The following CNTLN variants were observed in gnomAD, a reference collection of about 807,000 sequenced individuals.
CNTLN encodes centlein, centrosomal protein.
A neutral mutation model predicts 180.0 loss-of-function variants in CNTLN; 212 were observed. That is an observed-to-expected ratio of 1.18 (90% confidence interval 1.05 to 1.32). The LOEUF is 1.32. Ranked by LOEUF, CNTLN falls within the 40% of genes most tolerant of loss-of-function variation. The probability of loss-of-function intolerance (pLI) is 0.00; values close to 1 mark genes in which losing one functional copy is unlikely to be tolerated. For synonymous variants in CNTLN, 722 were observed against 563.1 expected (o/e 1.28, Z -3.99); for missense variants, 2,095 against 1,610.9 (o/e 1.30, Z -5.14).
At position 17,376,375 on chromosome 9, in the gene CNTLN, CACA is replaced by C. The variant is rs754096204; in HGVS notation, c.1987+9662_1987+9664del. ...GAAGAAAGCAAAGAAAAAACTAGTT[CACA>C]ACATGTTAGAGATAAAAATTTTTAA... On this transcript the variant is annotated intron_variant, in intron 13 of 25. Coordinates refer to ENST00000380647, the MANE Select transcript of CNTLN (RefSeq NM_017738.4). Among the ~76,000 whole-genome samples the C allele has an allele frequency of 8.0e-4, 122 of 152,072 alleles. 4 individuals carry two copies. The highest frequency in any genetic ancestry group is 5.0e-4 in the Non-Finnish European group (34 of 67,978).
At chr9:17,433,387 C>T (rs1027207397) in intron 18 of CNTLN, among the ~76,000 whole-genome samples, 4 of 151,516 alleles carry the variant, frequency 2.6e-5, no homozygotes, top group African/African-American at 7.3e-5. Context: ...TGGGTTCAAG[C>T]GATTCTCCTG....
At chr9:17,213,514 G>A (rs1355959485) in intron 2 of CNTLN, among the ~76,000 whole-genome samples, 1 of 152,220 alleles carries the variant, frequency 6.6e-6, no homozygotes, top group Non-Finnish European at 1.5e-5. Context: ...ATGTGGTGCT[G>A]AGAAGCATGT....
At chr9:17,352,499 T>C (rs797001813) in intron 12 of CNTLN, among the ~76,000 whole-genome samples, 8 of 150,496 alleles carry the variant, frequency 5.3e-5, no homozygotes, top group Non-Finnish European at 1.0e-4. Flanking sequence ...TAGCAAAAAA[T>C]GTCTGCCAAT....
intron 6 of CNTLN, among the ~76,000 whole-genome samples, chr9:17,282,869 G>A (rs1258826839): frequency 1.3e-5 from 2 of 152,022 alleles, no homozygotes; most frequent in Non-Finnish European, 2.9e-5. Flanking sequence ...GCTTGTTTTT[G>A]TCAGGTTTGT....
chr9:17,332,724 A>T lies in CNTLN; in HGVS notation c.1638A>T (p.Gln546His). 6.3e-7 allele frequency: 1 copy of T among 1,587,920 alleles called. No homozygotes were observed. Among genetic ancestry groups the T allele is most frequent in the African/African-American group, 1.4e-5 (1 of 73,302 alleles). Residue 546 changes from glutamine (Q) to histidine (H), a missense_variant, in exon 10 of 26, where the codon CAA (glutamine) becomes CAT (histidine). Gln to His is a conservative substitution (Grantham distance 24, BLOSUM62 0). Coordinates refer to ENST00000380647, the MANE Select transcript of CNTLN (RefSeq NM_017738.4). ...TTGAAAACTTAGAGAAGGCACTACA[A>T]CTAAAGGTGAACATTAAATCATTTC... ...RKIENLEKAL[Q>H]LKSQENDELR...
Position 17,488,734 on chromosome 9 carries a change from C to G in CNTLN, c.4119+1668C>G, listed in dbSNP as rs1428206358. Among the ~76,000 whole-genome samples the G allele has an allele frequency of 2.6e-5, 4 of 152,002 alleles. No individual in the cohort carries two copies. In the East Asian group the frequency reaches 7.7e-4, roughly 29 times the overall value. On this transcript the variant is annotated intron_variant, in intron 25 of 25. Transcript: ENST00000380647. Reference sequence around the variant, plus strand: ...GGCATCAGACTGCTTAATACTGCAGCTTGATATAGTGCCTTTTTGTGCCAC... The same window carrying G: ...GGCATCAGACTGCTTAATACTGCAGGTTGATATAGTGCCTTTTTGTGCCAC...
chr9:17,456,659 A>T (rs1420163240), intron 18 of CNTLN, among the ~76,000 whole-genome samples: 1 of 152,052 alleles, frequency 6.6e-6, no homozygotes, highest in African/African-American at 2.4e-5. Flanking sequence ...CCTCTGAGAG[A>T]TTTCAGTATC....
chr9:17,517,281 A>G, the CNTLN span, among the ~76,000 whole-genome samples: 3 of 151,886 alleles, frequency 2.0e-5, no homozygotes, highest in African/African-American at 4.8e-5. Flanking sequence ...AGTCCCAACT[A>G]CTGGTGAGGC....
chr9:17,386,087 G>T (rs1825663036), intron 13 of CNTLN, among the ~76,000 whole-genome samples: 2 of 151,720 alleles, frequency 1.3e-5, no homozygotes, highest in Admixed American at 1.3e-4. Context: ...TGACCTTTAA[G>T]AAACTTTTTG....
intron 23 of CNTLN, among the ~76,000 whole-genome samples, chr9:17,480,185 C>A (rs983113450): frequency 2.0e-5 from 3 of 151,864 alleles, no homozygotes; most frequent in African/African-American, 7.3e-5. Flanking sequence ...AGCAAGACCC[C>A]ATCTCTAAAA....
intron 13 of CNTLN, among the ~76,000 whole-genome samples, chr9:17,386,241 G>A (rs1460997871): frequency 6.6e-6 from 1 of 150,974 alleles, no homozygotes; most frequent in African/African-American, 2.4e-5. Flanking sequence ...TAAGCCAAGA[G>A]GATTAAAAGA....
intron 18 of CNTLN, among the ~76,000 whole-genome samples, chr9:17,437,187 T>C (rs916598476): frequency 2.0e-5 from 3 of 152,234 alleles, no homozygotes; most frequent in Admixed American, 6.5e-5. Context: ...GTGACTGTCT[T>C]ATTCCTATGT....
chr9:17,238,963 A>C (rs1825321774), intron 5 of CNTLN, among the ~76,000 whole-genome samples: 1 of 152,206 alleles, frequency 6.6e-6, no homozygotes, highest in Admixed American at 6.5e-5. Context: ...CGATGTTCAC[A>C]TCAACACTTG....
chr9:17,144,940 C>T (rs1234062425), intron 2 of CNTLN, among the ~76,000 whole-genome samples: 2 of 150,994 alleles, frequency 1.3e-5, no homozygotes, highest in African/African-American at 4.9e-5. Context: ...TTCCCGGGTT[C>T]ACGCCATTCT....
intron 18 of CNTLN, chr9:17,447,295 T>G (rs1401079887): frequency 4.9e-6 from 1 of 202,982 alleles, no homozygotes; most frequent in Non-Finnish European, 1.1e-5. Context: ...GGCAGATACA[T>G]TCAGCCAGCT....
chr9:17,389,155 G>C (rs1825909051), intron 14 of CNTLN, among the ~76,000 whole-genome samples: 1 of 151,942 alleles, frequency 6.6e-6, no homozygotes, highest in Admixed American at 6.6e-5. Context: ...TAATGTGATT[G>C]TTCATACTTC....
intron 8 of CNTLN, among the ~76,000 whole-genome samples, chr9:17,312,367 T>TAATATATATATATATATA (rs373156484): frequency 1.8e-4 from 2 of 10,958 alleles, no homozygotes; most frequent in African/African-American, 3.9e-4. Flanking sequence ...ATATATATTA[T>TAATATATATATATATATA]ATATATATAT....
intron 25 of CNTLN, among the ~76,000 whole-genome samples, chr9:17,498,840 A>T (rs73641966): frequency 0.042 from 6,427 of 152,166 alleles, 468 homozygotes; most frequent in African/African-American, 0.15. Context: ...AGGGTGCAAG[A>T]TCTTTGCTGT....
intron 2 of CNTLN, among the ~76,000 whole-genome samples, chr9:17,153,689 G>C (rs538091247): frequency 1.3e-5 from 2 of 152,212 alleles, no homozygotes; most frequent in Non-Finnish European, 1.5e-5. Flanking sequence ...TCCTGAATTT[G>C]AATGTTGTCC....
Sources: gnomAD v4.1 joint callset for allele counts (sites outside exome capture counted in the v4.1 genomes callset) on GRCh38, gnomAD v4.1.1 for gene constraint, MANE v1.5 for transcripts, NCBI Gene and HGNC (gene_info 2026-07-23, HGNC 2026-07-21) for gene names.